The following CDH2 variants were observed in gnomAD, a reference collection of about 807,000 sequenced individuals.
CDH2 encodes the protein cadherin-2.
A neutral mutation model predicts 92.0 loss-of-function variants in CDH2; 17 were observed. That is an observed-to-expected ratio of 0.18 (90% CI 0.13 to 0.28). CDH2 has a LOEUF of 0.28. Among genes scored for constraint, CDH2 ranks in the 10% least tolerant of loss-of-function variants. The pLI, the probability that CDH2 is intolerant of heterozygous loss-of-function variation, is 1.00. For synonymous variants in CDH2, 419 were observed against 415.9 expected (o/e 1.01, Z -0.09); for missense variants, 862 against 1,133.1 (o/e 0.76, Z 3.44).
chr18:28,025,378 C>T (rs1387812241), intron 2 of CDH2, among the ~76,000 whole-genome samples: 8 of 151,720 alleles, frequency 5.3e-5, no homozygotes, highest in African/African-American at 1.2e-4. Flanking sequence ...ATTAGCCAGG[C>T]GTGGCGGTGT....
intron 2 of CDH2, among the ~76,000 whole-genome samples, chr18:28,068,218 G>C (rs926153509): frequency 6.6e-6 from 1 of 152,146 alleles, no homozygotes; most frequent in Admixed American, 6.5e-5. Context: ...GAAGATCCCC[G>C]ATCCCCAAAC....
intron 1 of CDH2, among the ~76,000 whole-genome samples, chr18:28,160,663 G>A (rs1466862543): frequency 6.6e-6 from 1 of 152,152 alleles, no homozygotes; most frequent in African/African-American, 2.4e-5. Context: ...AGTGGGGCCC[G>A]AGACTGAAAA....
At chr18:28,130,348 A>G (rs1262758005) in intron 2 of CDH2, among the ~76,000 whole-genome samples, 2 of 152,226 alleles carry the variant, frequency 1.3e-5, no homozygotes, top group South Asian at 4.1e-4. Context: ...CAAAGTGCAG[A>G]CAGCAACGCA....
At chr18:27,974,514 T>C (rs1351135372) in intron 14 of CDH2, among the ~76,000 whole-genome samples, 1 of 152,220 alleles carries the variant, frequency 6.6e-6, no homozygotes, top group Non-Finnish European at 1.5e-5. Context: ...TCTCAGTTTA[T>C]AAAATGCTAC....
chr18:27,960,041 CACACACAA>C (rs2011360113), intron 15 of CDH2, among the ~76,000 whole-genome samples: 4 of 151,968 alleles, frequency 2.6e-5, no homozygotes, highest in Admixed American at 1.3e-4. Flanking sequence ...CACACACACA[CACACACAA>C]ACACACACTC....
At chr18:28,143,956 A>G (rs2015994639) in intron 2 of CDH2, among the ~76,000 whole-genome samples, 1 of 152,032 alleles carries the variant, frequency 6.6e-6, no homozygotes, top group African/African-American at 2.4e-5. Context: ...ATGAGAACAC[A>G]TGGACACAGG....
intron 2 of CDH2, among the ~76,000 whole-genome samples, chr18:28,063,994 G>A (rs1199511699): frequency 6.6e-6 from 1 of 152,160 alleles, no homozygotes; most frequent in Non-Finnish European, 1.5e-5. Context: ...CACAGGAAAA[G>A]GTAATAGAAT....
downstream of CDH2, among the ~76,000 whole-genome samples, chr18:27,947,754 T>C (rs1384284479): frequency 6.8e-6 from 1 of 146,224 alleles, no homozygotes; most frequent in East Asian, 2.0e-4. Context: ...TAAGTGTATA[T>C]GATGTAAGTA....
At position 27,941,820 on chromosome 18, in the gene CDH2, AG is replaced by A. The variant is rs549497991; in HGVS notation, c.1152-8697del. On this transcript the variant is annotated intron_variant, in intron 6 of 6. Coordinates refer to the CDH2 transcript ENST00000675173. ...CAGAGTAATAAAGTTTGATCTCTTT[AG>A]GATCTATCACTTCCAGGCAATTTAA... 1.6e-3 allele frequency among the ~76,000 whole-genome samples: 240 copies of A among 152,326 alleles called. 1 individual carries two copies. Among genetic ancestry groups the A allele is most frequent in the Admixed American group, 1.9e-3 (29 of 15,306 alleles).
At chr18:28,075,134 A>G (rs780588392) in intron 2 of CDH2, among the ~76,000 whole-genome samples, 8 of 152,298 alleles carry the variant, frequency 5.3e-5, no homozygotes, top group Admixed American at 1.3e-4. Context: ...ACTGAGTTCT[A>G]CAGATACAAC....
At chr18:28,100,349 C>T (rs1037774036) in intron 2 of CDH2, among the ~76,000 whole-genome samples, 1 of 152,196 alleles carries the variant, frequency 6.6e-6, no homozygotes, top group African/African-American at 2.4e-5. Context: ...TGCCTTTGAA[C>T]TCGAACATCA....
intron 5 of CDH2, among the ~76,000 whole-genome samples, chr18:28,007,805 C>T (rs2012984231): frequency 6.6e-6 from 1 of 152,164 alleles, no homozygotes; most frequent in Non-Finnish European, 1.5e-5. Context: ...CTCGGCTTAA[C>T]TGCAACCTCT....
At chr18:27,950,419 T>C (rs1187210053), downstream of CDH2, among the ~76,000 whole-genome samples, 3 of 152,240 alleles carry the variant, frequency 2.0e-5, no homozygotes, top group Non-Finnish European at 4.4e-5. Flanking sequence ...TTTGTTGCCC[T>C]CTGCAACCAT....
chr18:28,087,800 A>C (rs2014962100), intron 2 of CDH2, among the ~76,000 whole-genome samples: 1 of 107,016 alleles, frequency 9.3e-6, no homozygotes, highest in Non-Finnish European at 2.1e-5. Context: ...AATAAAAAAC[A>C]AAACAAAACA....
At chr18:28,081,462 A>T (rs1388174392) in intron 2 of CDH2, among the ~76,000 whole-genome samples, 1 of 152,208 alleles carries the variant, frequency 6.6e-6, no homozygotes, top group African/African-American at 2.4e-5. Flanking sequence ...TTTTAAAATT[A>T]TAAGAAATTC....
chr18:27,958,799 C>T (rs1039005283), intron 15 of CDH2, among the ~76,000 whole-genome samples: 6 of 152,064 alleles, frequency 3.9e-5, no homozygotes, highest in African/African-American at 1.2e-4. Flanking sequence ...CCCTATGCTG[C>T]CGCTCTCACG....
Position 28,002,894 on chromosome 18 carries a change from A to G in CDH2, c.1020+103T>C, listed in dbSNP as rs981931716. On this transcript the variant is annotated intron_variant, in intron 7 of 15. Coordinates refer to ENST00000269141, the MANE Select transcript of CDH2 (RefSeq NM_001792.5). ...AATGAAAACGATTAGCATTTGAATAACACTGTGAGTATATTGTGATGTGGA... is the reference window on the plus strand; with the variant it reads ...AATGAAAACGATTAGCATTTGAATAGCACTGTGAGTATATTGTGATGTGGA... 5 of 1,037,648 alleles carry G rather than the reference A, an allele frequency of 4.8e-6. No homozygotes were observed. In the African/African-American group the frequency reaches 7.9e-5, roughly 16 times the overall value. 64.3% of individuals were successfully genotyped at this position (1,037,648 alleles called of 1,614,324 possible).
At chr18:28,174,473 T>C (rs1294314850) in intron 1 of CDH2, among the ~76,000 whole-genome samples, 1 of 152,224 alleles carries the variant, frequency 6.6e-6, no homozygotes, top group Non-Finnish European at 1.5e-5. Context: ...CATTCAATGT[T>C]ACTGCTTGAC....
intron 2 of CDH2, chr18:28,045,649 C>T (rs898520952): frequency 1.1e-5 from 3 of 281,700 alleles, no homozygotes; most frequent in South Asian, 6.9e-5. Context: ...TCCTTTATGA[C>T]GTCCCAGCAG....
Sources: allele counts gnomAD v4.1 joint callset (sites outside exome capture counted in the v4.1 genomes callset), GRCh38; gene constraint gnomAD v4.1.1; transcripts MANE v1.5; gene names NCBI Gene and HGNC (gene_info 2026-07-23, HGNC 2026-07-21).